Variants in SHOC1 observed in about 807,000 individuals in gnomAD.
SHOC1 encodes protein shortage in chiasmata 1 ortholog.
In SHOC1, 136 loss-of-function variants were observed where a neutral mutation model predicts 179.2. The ratio of observed to expected loss-of-function variants is 0.76; its 90% CI spans 0.66 to 0.87. The LOEUF (loss-of-function observed/expected upper bound fraction) is 0.87, where lower values mean the gene tolerates loss of function less well. Ranked by LOEUF, SHOC1 falls within the 40% of genes least tolerant of loss-of-function variation. SHOC1 has a pLI of 0.00. For synonymous variants in SHOC1, 489 were observed against 586.6 expected (o/e 0.83, Z 2.41); for missense variants, 1,538 against 1,700.8 (o/e 0.90, Z 1.68).
In SHOC1 at chr9:111,727,727, A is replaced by G; in HGVS notation, c.1740T>C (p.Asn580=). The change falls in exon 13 of 28, where the codon AAT becomes AAC. Residue 580 remains asparagine, a synonymous_variant. Transcript: ENST00000682961. The part of the protein sequence containing the change: ...ASFEHGKKQE[N]DLDLLSDFIM... ...TAAAGTCGCTCAAAAGGTCCAAATC[A>G]TTCTCTTGTTTTTTGCCATGTTCAA... is the stretch of plus-strand genomic sequence containing the variant. 1 of 1,613,288 alleles carries G rather than the reference A, an allele frequency of 6.2e-7. No homozygotes were observed. Among genetic ancestry groups the G allele is most frequent in the Non-Finnish European group, 8.5e-7 (1 of 1,179,642 alleles).
intron 5 of SHOC1, among the ~76,000 whole-genome samples, chr9:111,761,038 C>T (rs1013342355): frequency 1.5e-4 from 22 of 151,610 alleles, no homozygotes; most frequent in African/African-American, 5.1e-4. Context: ...ATAGAAAATC[C>T]AGAAATGAAT....
At chr9:111,712,746 G>A (rs1250802412) in intron 18 of SHOC1, among the ~76,000 whole-genome samples, 2 of 152,164 alleles carry the variant, frequency 1.3e-5, no homozygotes, top group Non-Finnish European at 2.9e-5. Context: ...GATTTGGCAT[G>A]CTACATCACC....
chr9:111,741,596 A>G, intron 10 of SHOC1, 26 bp from the exon 11 acceptor site: 1 of 1,218,296 alleles, frequency 8.2e-7, no homozygotes, highest in Non-Finnish European at 1.2e-6. Flanking sequence ...AAAGTTTAAT[A>G]CATTAATAAT....
intron 6 of SHOC1, 53 bp downstream of exon 6, chr9:111,758,642 A>G (rs1043223125): frequency 3.4e-6 from 5 of 1,475,108 alleles, no homozygotes; most frequent in African/African-American, 2.8e-5. Context: ...GATCATACTA[A>G]AACATTTTCA....
intron 8 of SHOC1, among the ~76,000 whole-genome samples, chr9:111,754,133 AAT>A (rs886246835): frequency 6.6e-6 from 1 of 152,186 alleles, no homozygotes; most frequent in African/African-American, 2.4e-5. Context: ...TGTATATCAA[AAT>A]ATGTTATACA....
chr9:111,789,446 G>A (rs1836376161), intron 2 of SHOC1, among the ~76,000 whole-genome samples: 1 of 152,066 alleles, frequency 6.6e-6, no homozygotes, highest in South Asian at 2.1e-4. Context: ...CTTTGATCAT[G>A]AAAAAGATAT....
chr9:111,700,380 A>G (rs1214014552), intron 23 of SHOC1, among the ~76,000 whole-genome samples: 1 of 152,160 alleles, frequency 6.6e-6, no homozygotes, highest in Non-Finnish European at 1.5e-5. Context: ...CCCCCTGGTC[A>G]AAGTAACAGG....
At chr9:111,793,574 C>T (rs1238409975) in intron 1 of SHOC1, among the ~76,000 whole-genome samples, 1 of 147,408 alleles carries the variant, frequency 6.8e-6, no homozygotes, top group Non-Finnish European at 1.5e-5. Flanking sequence ...AAAAACGATA[C>T]ATTGCTCTTA....
intron 10 of SHOC1, among the ~76,000 whole-genome samples, chr9:111,742,385 T>G (rs1834083099): frequency 1.3e-5 from 2 of 152,136 alleles, no homozygotes; most frequent in South Asian, 4.1e-4. Flanking sequence ...GAAAAAGTCC[T>G]TCTCTGGAGA....
rs1836441085 is a variant in SHOC1 at position 111,791,415 on chromosome 9, A to G, written c.4T>C (p.Phe2Leu). The G allele has an allele frequency of 1.4e-6, 2 of 1,477,086 alleles. No individual in the cohort carries two copies. Among genetic ancestry groups the G allele is most frequent in the Admixed American group, 2.4e-5 (1 of 41,822 alleles). 91.5% of individuals were successfully genotyped at this position (1,477,086 alleles called of 1,614,324 possible). The change falls in exon 2 of 28, where the codon TTT becomes CTT. Residue 2 changes from phenylalanine (F) to leucine (L), a missense_variant. Coordinates refer to ENST00000682961, the MANE Select transcript of SHOC1 (RefSeq NM_001378211.1). M[F>L]SALKYHAIDY... The stretch of plus-strand genomic sequence containing the variant: ...ATTGCATGATATTTCAATGCTGAAA[A>G]CATATCTTCTTTCTTTCAAAGCAGT...
At chr9:111,687,938 T>C (rs1831252994) in intron 27 of SHOC1, among the ~76,000 whole-genome samples, 1 of 152,222 alleles carries the variant, frequency 6.6e-6, no homozygotes, top group African/African-American at 2.4e-5. Context: ...AATTCATGTC[T>C]TTAAAGGCAT....
intron 16 of SHOC1, among the ~76,000 whole-genome samples, chr9:111,717,161 A>G (rs1832827555): frequency 6.6e-6 from 1 of 152,246 alleles, no homozygotes; most frequent in African/African-American, 2.4e-5. Context: ...TGGATTAGAA[A>G]AATAATATTT....
chr9:111,788,186 T>A (rs1410836803), intron 2 of SHOC1, among the ~76,000 whole-genome samples: 3 of 147,994 alleles, frequency 2.0e-5, no homozygotes, highest in African/African-American at 5.0e-5. Context: ...CCAGCCTGGA[T>A]GACACAGCGA....
At chr9:111,794,072 G>A (rs1413207436) in intron 1 of SHOC1, among the ~76,000 whole-genome samples, 2 of 150,610 alleles carry the variant, frequency 1.3e-5, no homozygotes, top group African/African-American at 2.4e-5. Context: ...GGCTGATTTC[G>A]AACTCCTGAG....
intron 20 of SHOC1, among the ~76,000 whole-genome samples, 181 bp from the exon 21 acceptor site, chr9:111,705,545 C>T (rs112333770): frequency 1.2e-3 from 181 of 151,116 alleles, no homozygotes; most frequent in African/African-American, 3.8e-3. Flanking sequence ...GTTATCCTAC[C>T]GAGAAATAAG....
chr9:111,686,932 T>C, intron 27 of SHOC1, 62 bp from the exon 28 acceptor site: 1 of 1,084,160 alleles, frequency 9.2e-7, no homozygotes, highest in Non-Finnish European at 1.3e-6. Flanking sequence ...ATAGGTTTTT[T>C]CTTTTCCTTT....
At chr9:111,782,595 C>T (rs771183893) in intron 3 of SHOC1, among the ~76,000 whole-genome samples, 4 of 152,064 alleles carry the variant, frequency 2.6e-5, no homozygotes, top group Non-Finnish European at 4.4e-5. Flanking sequence ...AATCACCCAG[C>T]CGTGCTAAAG....
chr9:111,748,302 T>C, intron 8 of SHOC1, 103 bp from the exon 9 acceptor site: 1 of 758,856 alleles, frequency 1.3e-6, no homozygotes. Context: ...TATTGTTTTA[T>C]TGCATGTCAA....
intron 5 of SHOC1, among the ~76,000 whole-genome samples, chr9:111,770,862 T>C (rs1835576978): frequency 6.6e-6 from 1 of 152,174 alleles, no homozygotes; most frequent in Non-Finnish European, 1.5e-5. Flanking sequence ...TCCAGTTGCA[T>C]GGAATATCAT....
Sources: gnomAD v4.1 joint callset for allele counts (sites outside exome capture counted in the v4.1 genomes callset) on GRCh38, gnomAD v4.1.1 for gene constraint, MANE v1.5 for transcripts, NCBI Gene and HGNC (gene_info 2026-07-23, HGNC 2026-07-21) for gene names.